USP31: variants seen among roughly 807,000 people sequenced by gnomAD.
USP31 encodes ubiquitin specific peptidase 31, also known as ubiquitin carboxyl-terminal hydrolase 31.
In USP31, 44 loss-of-function variants were observed where a neutral mutation model predicts 119.4. The observed-to-expected ratio is 0.37, with a 90% CI of 0.29 to 0.47. The LOEUF is 0.47. Among genes scored for constraint, USP31 ranks in the 20% least tolerant of loss-of-function variants. The pLI is 0.99. For missense variants in USP31, 1,643 were observed against 1,730.2 expected, an observed-to-expected ratio of 0.95 and a Z score of 0.89; for synonymous variants, 749 against 705.6, an observed-to-expected ratio of 1.06 and a Z score of -0.97.
intron 1 of USP31, among the ~76,000 whole-genome samples, chr16:23,120,228 A>G (rs917697218): frequency 6.6e-6 from 1 of 152,232 alleles, no homozygotes; most frequent in African/African-American, 2.4e-5. Context: ...GTTGGTCATC[A>G]TACAGGAAGA....
intron 2 of USP31, 67 bp from the exon 3 acceptor site, chr16:23,106,554 G>A: frequency 6.9e-7 from 1 of 1,441,366 alleles, no homozygotes; most frequent in Non-Finnish European, 9.4e-7. Flanking sequence ...GATGAAGCTA[G>A]AGAATCACAT....
chr16:23,092,948 T>C (rs1216954514), intron 6 of USP31, among the ~76,000 whole-genome samples: 2 of 152,224 alleles, frequency 1.3e-5, no homozygotes, highest in East Asian at 3.9e-4. Flanking sequence ...GTACAATCTC[T>C]TCATCAAATG....
At chr16:23,074,457 T>C (rs890955243) in intron 13 of USP31, among the ~76,000 whole-genome samples, 3 of 152,250 alleles carry the variant, frequency 2.0e-5, no homozygotes, top group East Asian at 1.9e-4. Flanking sequence ...GTAACACTTA[T>C]TATGTGCCAA....
chr16:23,127,742 T>C (rs982054453), intron 1 of USP31, among the ~76,000 whole-genome samples: 4 of 150,766 alleles, frequency 2.7e-5, no homozygotes, highest in African/African-American at 4.9e-5. Flanking sequence ...CCTCCCAAAG[T>C]GCTGGGATTA....
In USP31 at chr16:23,090,636, T is replaced by C. The variant is rs759469118; in HGVS notation, c.1403A>G (p.Gln468Arg). Residue 468 changes from glutamine (Q) to arginine (R), a missense_variant, in exon 7 of 16, where the codon CAA becomes CGA. This residue lies in a region of USP31 where 219 missense variants were observed against 226.4 expected (regional missense o/e 0.97). Coordinates refer to ENST00000219689, the MANE Select transcript of USP31 (RefSeq NM_020718.4). Reference protein sequence around the residue: ...LLVCNRACTGQQGKRFGLPFV... With the variant: ...LLVCNRACTGRQGKRFGLPFV... ...ATCTGGTTCTCACCTTTTCCCTTGTTGCCCAGTGCAGGCTCGGTTACACAC... is the reference window on the plus strand; with the variant it reads ...ATCTGGTTCTCACCTTTTCCCTTGTCGCCCAGTGCAGGCTCGGTTACACAC... The C allele has an allele frequency of 9.3e-6, 15 of 1,607,646 alleles. No homozygotes were observed. Among genetic ancestry groups the C allele is most frequent in the African/African-American group, 1.3e-5 (1 of 74,956 alleles).
In USP31 at chr16:23,068,814, C is replaced by A. The variant is rs1406472404; in HGVS notation, c.3291G>T (p.Lys1097Asn). ...AGTCCTGAGATTTCGGGGATGACTC[C>A]TTTTTGGGTTGGGCAGGGGCAGGGG... ...HSSPAPAQPK[K>N]ESSPKSQDSV... The change falls in exon 16 of 16, where the codon AAG becomes AAT. Residue 1097 changes from lysine (K) to asparagine (N), a missense_variant. By Grantham distance (94) the Lys-to-Asn change is moderately conservative (BLOSUM62 0). Around this residue, in one of 5 missense-constraint regions of USP31, gnomAD observed 699 missense variants for 650.9 expected, o/e 1.07. Transcript: ENST00000219689. 6 of 1,555,970 alleles carry A rather than the reference C, an allele frequency of 3.9e-6. No homozygotes were observed. Among genetic ancestry groups the A allele is most frequent in the Non-Finnish European group, 5.2e-6 (6 of 1,154,932 alleles).
chr16:23,109,330 G>T (rs771350747), intron 1 of USP31, among the ~76,000 whole-genome samples: 1 of 152,108 alleles, frequency 6.6e-6, no homozygotes, highest in Non-Finnish European at 1.5e-5. Context: ...CACGGGACAT[G>T]TCAAAGGGAC....
Position 23,068,862 on chromosome 16 carries a change from GGAA to G in USP31, c.3240_3242del (p.Ser1081del), listed in dbSNP as rs1474812836. On this transcript the variant is annotated inframe_deletion, in exon 16 of 16. Coordinates refer to ENST00000219689, the MANE Select transcript of USP31 (RefSeq NM_020718.4). ...GGGATGAATGCCGTCCACTGCCCCTGGAAGAAGAATCTGCTTTGCTGCGGGAGC... is the reference window on the plus strand; with the variant it reads ...GGGATGAATGCCGTCCACTGCCCCTGGAAGAATCTGCTTTGCTGCGGGAGC... The G allele has an allele frequency of 9.5e-6, 15 of 1,580,776 alleles. No individual in the cohort carries two copies. The highest frequency in any genetic ancestry group is 1.3e-5 in the Non-Finnish European group (15 of 1,164,902).
chr16:23,088,383 A>G (rs952475255), intron 7 of USP31, among the ~76,000 whole-genome samples: 1 of 152,170 alleles, frequency 6.6e-6, no homozygotes, highest in Non-Finnish European at 1.5e-5. Context: ...GCTTTAGAAA[A>G]TAATGATGCC....
chr16:23,078,088 C>T (rs1900658006), intron 13 of USP31, among the ~76,000 whole-genome samples: 2 of 151,918 alleles, frequency 1.3e-5, no homozygotes, highest in Admixed American at 1.3e-4. Context: ...CCAAGGAGGG[C>T]AGATCACCAG....
chr16:23,097,964 T>C (rs1414611682), intron 6 of USP31, among the ~76,000 whole-genome samples: 1 of 151,964 alleles, frequency 6.6e-6, no homozygotes, highest in East Asian at 1.9e-4. Flanking sequence ...TGTTGGAAGT[T>C]CTGGCCAGGG....
At position 23,068,640 on chromosome 16, in the gene USP31, A is replaced by G. The variant is rs547674616; in HGVS notation, c.3465T>C (p.Ser1155=). Residue 1155 remains serine, a synonymous_variant, in exon 16 of 16, where the codon AGT becomes AGC. Coordinates refer to ENST00000219689, the MANE Select transcript of USP31 (RefSeq NM_020718.4). ...GKSRTSDHSL[S]REGSRQSLGS... Reference sequence around the variant, plus strand: ...CCAAGCTTTGTCTGGAGCCCTCTCTACTCAAGCTGTGGTCTGAAGTCCTGC... The same window carrying G: ...CCAAGCTTTGTCTGGAGCCCTCTCTGCTCAAGCTGTGGTCTGAAGTCCTGC... 2.9e-5 allele frequency: 46 copies of G among 1,614,024 alleles called. No homozygotes were observed. In the South Asian group the frequency reaches 5.1e-4, roughly 18 times the overall value.
At chr16:23,093,097 G>C (rs900723177) in intron 6 of USP31, among the ~76,000 whole-genome samples, 2 of 152,128 alleles carry the variant, frequency 1.3e-5, no homozygotes, top group African/African-American at 4.8e-5. Context: ...GAAAACACAA[G>C]AGTAAATCTT....
At chr16:23,113,658 T>G (rs528732744) in intron 1 of USP31, among the ~76,000 whole-genome samples, 1 of 152,322 alleles carries the variant, frequency 6.6e-6, no homozygotes, top group East Asian at 1.9e-4. Context: ...AGGCAAGGGT[T>G]TGAATGACTG....
intron 13 of USP31, among the ~76,000 whole-genome samples, chr16:23,078,636 A>T (rs559575038): frequency 3.9e-5 from 6 of 152,144 alleles, no homozygotes; most frequent in African/African-American, 1.4e-4. Flanking sequence ...CCATATCTGT[A>T]CCCACATCTC....
intron 11 of USP31, among the ~76,000 whole-genome samples, chr16:23,082,949 G>T (rs1166248161): frequency 6.7e-6 from 1 of 148,738 alleles, no homozygotes; most frequent in Non-Finnish European, 1.5e-5. Context: ...TCCCACCTCA[G>T]CCTCTTCAGT....
chr16:23,146,019 T>TA (rs1284329364), intron 1 of USP31, among the ~76,000 whole-genome samples: 1 of 152,182 alleles, frequency 6.6e-6, no homozygotes, highest in Non-Finnish European at 1.5e-5. Flanking sequence ...CTTCTAGAAT[T>TA]ATTGACCCAT....
chr16:23,073,009 T>C (rs933476785), intron 14 of USP31, among the ~76,000 whole-genome samples: 3 of 152,014 alleles, frequency 2.0e-5, no homozygotes, highest in African/African-American at 4.8e-5. Flanking sequence ...CCTAACCTGA[T>C]TGCACATCAC....
intron 5 of USP31, 113 bp downstream of exon 5, chr16:23,105,328 T>C (rs1454250583): frequency 2.5e-5 from 33 of 1,305,386 alleles, no homozygotes; most frequent in Non-Finnish European, 3.1e-5. Context: ...TAAATGCAAC[T>C]GGTTTTAAAT....
Sources: gnomAD v4.1 joint callset for allele counts (sites outside exome capture counted in the v4.1 genomes callset) on GRCh38, gnomAD v4.1.1 for gene constraint, gnomAD v4.1.1 regional missense constraint, MANE v1.5 for transcripts, NCBI Gene and HGNC (gene_info 2026-07-23, HGNC 2026-07-21) for gene names.